Variants in C16orf87 observed in about 807,000 individuals in gnomAD.
C16orf87 encodes the protein HDAC and MIER1 interacting protein 1, also known as UPF0547 protein C16orf87.
C16orf87 carries 13 observed loss-of-function variants against 21.0 expected under a neutral mutation model. That is an observed-to-expected ratio of 0.62 (90% confidence interval 0.40 to 0.98). C16orf87 has a LOEUF of 0.98. Ranked by LOEUF, C16orf87 falls within the 50% of genes least tolerant of loss-of-function variation. The pLI is 0.00. For synonymous variants in C16orf87, 49 were observed against 60.2 expected (o/e 0.81, Z 0.86); for missense variants, 113 against 180.4 (o/e 0.63, Z 2.14).
chr16:46,828,686 ATT>A (rs1054651139), intron 1 of C16orf87, among the ~76,000 whole-genome samples: 1 of 152,186 alleles, frequency 6.6e-6, no homozygotes, highest in African/African-American at 2.4e-5. Context: ...GAAATCTCAA[ATT>A]TAAAGATTTT....
chr16:46,826,143 T>C (rs968150697), intron 1 of C16orf87, among the ~76,000 whole-genome samples: 19 of 152,256 alleles, frequency 1.2e-4, no homozygotes, highest in African/African-American at 4.3e-4. Context: ...TTTCCAAATC[T>C]GCAAAATACG....
chr16:46,820,010 G>A, intron 2 of C16orf87, among the ~76,000 whole-genome samples: 1 of 152,022 alleles, frequency 6.6e-6, no homozygotes, highest in East Asian at 1.9e-4. Context: ...ATTAATTCCT[G>A]TAATAGATTT....
At chr16:46,809,537 T>G in intron 3 of C16orf87, 66 bp downstream of exon 3, 1 of 1,099,168 alleles carries the variant, frequency 9.1e-7, no homozygotes, top group Non-Finnish European at 1.3e-6. Flanking sequence ...CTTTCTTCAC[T>G]ACTACCTAAT....
chr16:46,814,653 T>G (rs1300465378), intron 2 of C16orf87, among the ~76,000 whole-genome samples: 1 of 152,194 alleles, frequency 6.6e-6, no homozygotes, highest in South Asian at 2.1e-4. Context: ...CCTACACTGA[T>G]AAACCAAGTC....
intron 2 of C16orf87, among the ~76,000 whole-genome samples, chr16:46,816,315 T>C (rs938976431): frequency 1.3e-5 from 2 of 152,176 alleles, no homozygotes; most frequent in African/African-American, 4.8e-5. Flanking sequence ...GTAGTGATGG[T>C]TAAGAATACA....
chr16:46,812,476 A>C (rs1033369359), intron 2 of C16orf87, among the ~76,000 whole-genome samples: 1 of 152,142 alleles, frequency 6.6e-6, no homozygotes, highest in African/African-American at 2.4e-5. Context: ...TTTATAACTG[A>C]AATTATATGG....
chr16:46,829,328 A>G (rs1262672294), intron 1 of C16orf87, among the ~76,000 whole-genome samples: 1 of 152,216 alleles, frequency 6.6e-6, no homozygotes, highest in African/African-American at 2.4e-5. Context: ...GGTGTATAAC[A>G]AAATGAATGT....
intron 1 of C16orf87, among the ~76,000 whole-genome samples, chr16:46,828,665 T>G (rs936142954): frequency 6.6e-6 from 1 of 152,228 alleles, no homozygotes; most frequent in Non-Finnish European, 1.5e-5. Flanking sequence ...TAAGTAAATC[T>G]AGTCAACTGG....
At chr16:46,825,829 G>A (rs201914313) in intron 1 of C16orf87, among the ~76,000 whole-genome samples, 16 of 150,492 alleles carry the variant, frequency 1.1e-4, no homozygotes, top group African/African-American at 3.7e-4. Flanking sequence ...CAGGAGAATC[G>A]CTTGAACCTG....
intron 1 of C16orf87, among the ~76,000 whole-genome samples, chr16:46,829,141 G>C (rs1959745810): frequency 6.6e-6 from 1 of 152,070 alleles, no homozygotes; most frequent in Non-Finnish European, 1.5e-5. Flanking sequence ...GATGTGATTA[G>C]GGACCTTTTA....
chr16:46,806,490 A>T (rs1366807439), intron 3 of C16orf87, among the ~76,000 whole-genome samples: 4 of 151,666 alleles, frequency 2.6e-5, no homozygotes. Flanking sequence ...TGATCTCTTG[A>T]CCTCATGATC....
At chr16:46,814,436 T>C (rs555743900) in intron 2 of C16orf87, among the ~76,000 whole-genome samples, 1 of 152,012 alleles carries the variant, frequency 6.6e-6, no homozygotes, top group Non-Finnish European at 1.5e-5. Flanking sequence ...CTCCATAATA[T>C]AGGAAAAAGC....
chr16:46,818,360 G>A (rs946545830), intron 2 of C16orf87, among the ~76,000 whole-genome samples: 4 of 152,030 alleles, frequency 2.6e-5, no homozygotes, highest in Admixed American at 6.5e-5. Flanking sequence ...ACTTATGAAC[G>A]TCTTTGCTTA....
chr16:46,809,286 C>CA (rs568256911), intron 3 of C16orf87, among the ~76,000 whole-genome samples: 214 of 122,864 alleles, frequency 1.7e-3, no homozygotes, highest in Middle Eastern at 4.3e-3. Flanking sequence ...CACGCTGTCT[C>CA]AAAAAAAAAA....
chr16:46,815,045 A>C (rs184790729), intron 2 of C16orf87, among the ~76,000 whole-genome samples: 1 of 152,302 alleles, frequency 6.6e-6, no homozygotes, highest in East Asian at 1.9e-4. Context: ...CAAAGGAATA[A>C]AAATAAACCT....
intron 3 of C16orf87, among the ~76,000 whole-genome samples, chr16:46,809,246 C>T (rs1316501790): frequency 1.3e-5 from 2 of 151,326 alleles, no homozygotes; most frequent in Non-Finnish European, 2.9e-5. Flanking sequence ...ATGACCGCGC[C>T]ACTGCACTCC....
intron 1 of C16orf87, among the ~76,000 whole-genome samples, chr16:46,827,209 A>G (rs1959653283): frequency 6.6e-6 from 1 of 152,180 alleles, no homozygotes; most frequent in Admixed American, 6.5e-5. Flanking sequence ...TATTTAAAAT[A>G]AAAAGTTCCT....
rs1967764666 is a variant in C16orf87 at position 46,801,265 on chromosome 16, G to C, written c.*1687C>G. 2 of 152,250 alleles carry C rather than the reference G, an allele frequency of 1.3e-5. No individual in the cohort carries two copies. Among genetic ancestry groups the C allele is most frequent in the South Asian group, 4.2e-4 (2 of 4,818 alleles). The allele number at this position is 152,250 out of a possible 1,614,324, so 9.4% of individuals were successfully genotyped here. A position where few individuals can be genotyped will look rare whatever the true frequency, so the allele number is the denominator to read the frequency against. ...GCAGTGGCTCATGCCTGTAATCCCAGCACTTTGGGAGGCCAAGGCGGGCAG... is the reference window on the plus strand; with the variant it reads ...GCAGTGGCTCATGCCTGTAATCCCACCACTTTGGGAGGCCAAGGCGGGCAG... On this transcript the variant is annotated 3_prime_UTR_variant, in exon 4 of 4. Transcript: ENST00000285697.
intron 3 of C16orf87, among the ~76,000 whole-genome samples, chr16:46,806,845 A>G (rs547466234): frequency 6.6e-6 from 1 of 152,358 alleles, no homozygotes; most frequent in South Asian, 2.1e-4. Context: ...ACTAGATAGA[A>G]AAGTCCATTT....
Sources: gnomAD v4.1 joint callset for allele counts (sites outside exome capture counted in the v4.1 genomes callset) on GRCh38, gnomAD v4.1.1 for gene constraint, MANE v1.5 for transcripts, NCBI Gene and HGNC (gene_info 2026-07-23, HGNC 2026-07-21) for gene names.